Variants in SHANK2 observed in about 807,000 individuals in gnomAD.
SHANK2 encodes the protein SH3 and multiple ankyrin repeat domains protein 2.
In SHANK2, 43 loss-of-function variants were observed where a neutral mutation model predicts 133.7. That is an observed-to-expected ratio of 0.32 (90% CI 0.25 to 0.41). The LOEUF (loss-of-function observed/expected upper bound fraction) is 0.41, where lower values mean the gene tolerates loss of function less well. Among genes scored for constraint, SHANK2 ranks in the 10% least tolerant of loss-of-function variants. The pLI is 1.00. For missense variants in SHANK2, 1,994 were observed against 2,235.8 expected (o/e 0.89, Z 2.18); for synonymous variants, 1,017 against 952.8 (o/e 1.07, Z -1.24).
intron 10 of SHANK2, among the ~76,000 whole-genome samples, chr11:70,919,223 C>T (rs955120946): frequency 6.6e-5 from 10 of 152,056 alleles, no homozygotes; most frequent in East Asian, 1.9e-4. Flanking sequence ...ATGGCTAAAT[C>T]GAGCTGATGA....
intron 11 of SHANK2, among the ~76,000 whole-genome samples, chr11:70,868,696 C>T (rs1329608158): frequency 6.6e-6 from 1 of 152,218 alleles, no homozygotes; most frequent in Non-Finnish European, 1.5e-5. Flanking sequence ...ACACAGGGAG[C>T]ACAGTCACTG....
At chr11:71,135,971 G>T (rs1465903124) in intron 3 of SHANK2, among the ~76,000 whole-genome samples, 3 of 152,122 alleles carry the variant, frequency 2.0e-5, no homozygotes, top group Admixed American at 6.6e-5. Context: ...GCTTGCGGGG[G>T]TCTAGAAGGT....
chr11:71,133,746 C>G (rs1415118833), intron 3 of SHANK2, among the ~76,000 whole-genome samples: 1 of 152,046 alleles, frequency 6.6e-6, no homozygotes, highest in East Asian at 1.9e-4. Context: ...CTGCCCAAGT[C>G]CTTTTTGATG....
intron 17 of SHANK2, among the ~76,000 whole-genome samples, chr11:70,628,307 G>A (rs2060931185): frequency 6.6e-6 from 1 of 152,126 alleles, no homozygotes; most frequent in Non-Finnish European, 1.5e-5. Flanking sequence ...AGGCTGGGAG[G>A]GTCCGGGAGC....
chr11:71,214,177 G>A (rs1334207195), intron 2 of SHANK2, among the ~76,000 whole-genome samples: 1 of 152,134 alleles, frequency 6.6e-6, no homozygotes, highest in Non-Finnish European at 1.5e-5. Context: ...GGCTTCCCCT[G>A]TGGCCCCAGG....
intron 10 of SHANK2, among the ~76,000 whole-genome samples, chr11:70,918,555 G>A (rs1000102748): frequency 6.6e-6 from 1 of 152,074 alleles, no homozygotes; most frequent in African/African-American, 2.4e-5. Context: ...CAGACTGATG[G>A]AATGCAGCGG....
chr11:70,542,307 T>C (rs1554975338), intron 17 of SHANK2, among the ~76,000 whole-genome samples: 1 of 151,994 alleles, frequency 6.6e-6, no homozygotes, highest in African/African-American at 2.4e-5. Context: ...TTATGAGGGA[T>C]GAGAAGAGAG....
At chr11:70,557,240 G>A (rs1331956713) in intron 17 of SHANK2, among the ~76,000 whole-genome samples, 1 of 152,056 alleles carries the variant, frequency 6.6e-6, no homozygotes, top group Non-Finnish European at 1.5e-5. Context: ...CTGTGTCCTG[G>A]GTGCTGGGAA....
chr11:70,739,911 G>T lies in SHANK2; in HGVS notation c.1778-41148C>A, dbSNP rs782671736. On this transcript the variant is annotated intron_variant, in intron 14 of 25. Transcript: ENST00000601538. The surrounding 1 kb of genome is among the most constrained non-coding windows in gnomAD (Gnocchi z 4.3). ...AGCCGCCGCAGAGGATGATGATCCC[G>T]AATCCTGGCATTCGGTGGCACGCAG... Among the ~76,000 whole-genome samples the T allele has an allele frequency of 6.6e-6, 1 of 152,244 alleles. No homozygotes were observed. The highest frequency in any genetic ancestry group is 2.1e-4 in the South Asian group (1 of 4,832).
intron 17 of SHANK2, among the ~76,000 whole-genome samples, chr11:70,536,710 G>A (rs1271512698): frequency 6.6e-6 from 1 of 152,194 alleles, no homozygotes; most frequent in Non-Finnish European, 1.5e-5. Context: ...TCGTGAAAAT[G>A]GAACCGTGCA....
At chr11:70,609,191 C>T (rs1351225965) in intron 17 of SHANK2, among the ~76,000 whole-genome samples, 2 of 152,214 alleles carry the variant, frequency 1.3e-5, no homozygotes, top group East Asian at 1.9e-4. Context: ...GCTGCTGAGG[C>T]AAGGCTCCGG....
At chr11:70,577,629 A>G (rs1411194180) in intron 17 of SHANK2, among the ~76,000 whole-genome samples, 2 of 152,170 alleles carry the variant, frequency 1.3e-5, no homozygotes, top group Non-Finnish European at 2.9e-5. Flanking sequence ...GATTGATTTG[A>G]GGGGCCAGGA....
chr11:70,875,855 CAAA>C (rs869042517), intron 11 of SHANK2, among the ~76,000 whole-genome samples: 3 of 94,944 alleles, frequency 3.2e-5, no homozygotes. Flanking sequence ...GACACTGTTT[CAAA>C]AAAAAAAAAA....
intron 17 of SHANK2, among the ~76,000 whole-genome samples, chr11:70,595,913 G>A (rs755613353): frequency 3.9e-5 from 6 of 152,250 alleles, no homozygotes; most frequent in Non-Finnish European, 7.3e-5. Flanking sequence ...CCAGCGACTG[G>A]TGTCCTTGTG....
At chr11:71,198,772 T>C (rs1953962352) in intron 2 of SHANK2, among the ~76,000 whole-genome samples, 1 of 152,176 alleles carries the variant, frequency 6.6e-6, no homozygotes, top group Non-Finnish European at 1.5e-5. Context: ...AGATGTCTCG[T>C]GTCTGTGGGC....
chr11:71,193,268 G>C (rs1366484994), intron 2 of SHANK2, among the ~76,000 whole-genome samples: 1 of 152,218 alleles, frequency 6.6e-6, no homozygotes, highest in African/African-American at 2.4e-5. Flanking sequence ...CCCAGCCCAT[G>C]GGTTCTGGGG....
chr11:70,773,256 C>G (rs1004639334), intron 14 of SHANK2, among the ~76,000 whole-genome samples: 1 of 152,204 alleles, frequency 6.6e-6, no homozygotes, highest in Non-Finnish European at 1.5e-5. Flanking sequence ...CACAGGGCAG[C>G]GTCCTAAAGA....
intron 9 of SHANK2, among the ~76,000 whole-genome samples, chr11:71,067,405 A>G (rs1341487613): frequency 1.3e-5 from 2 of 152,204 alleles, no homozygotes; most frequent in Non-Finnish European, 2.9e-5. Flanking sequence ...AGGGCAGAAA[A>G]ATGAACCCCA....
chr11:70,520,355 T>C (rs1229803233), intron 17 of SHANK2, among the ~76,000 whole-genome samples: 1 of 152,208 alleles, frequency 6.6e-6, no homozygotes, highest in Non-Finnish European at 1.5e-5. Context: ...GATGGTTTCT[T>C]AGACTTTGTT....
Sources: gnomAD v4.1 joint callset for allele counts (sites outside exome capture counted in the v4.1 genomes callset) on GRCh38, gnomAD v4.1.1 for gene constraint, Gnocchi (gnomAD v3.1) non-coding constraint, MANE v1.5 for transcripts, NCBI Gene and HGNC (gene_info 2026-07-23, HGNC 2026-07-21) for gene names.